PCSK7: variants seen among roughly 807,000 people sequenced by gnomAD.
PCSK7 encodes proprotein convertase subtilisin/kexin type 7, also known as lymphoma proprotein convertase.
PCSK7 carries 38 observed loss-of-function variants against 73.3 expected under a neutral mutation model. That is an observed-to-expected ratio of 0.52 (90% CI 0.40 to 0.68). PCSK7 has a LOEUF of 0.68. PCSK7 is among the 30% of genes least tolerant of loss of function. The pLI is 0.00. For missense variants in PCSK7, 692 were observed against 991.5 expected (o/e 0.70, Z 4.06); for synonymous variants, 296 against 383.8 (o/e 0.77, Z 2.68).
At chr11:117,222,780 G>A (rs2032253333) in intron 9 of PCSK7, 1 of 159,882 alleles carries the variant, frequency 6.3e-6, no homozygotes, top group Non-Finnish European at 1.4e-5. Context: ...CCAAGTAGCT[G>A]GGATTACAGA....
rs777195974 is a variant in PCSK7 at position 117,206,355 on chromosome 11, G to T, written c.2000C>A (p.Thr667Asn). 6.2e-7 allele frequency: 1 copy of T among 1,603,680 alleles called. No homozygotes were observed. The highest frequency in any genetic ancestry group is 2.2e-5 in the East Asian group (1 of 44,680). Residue 667 changes from threonine to asparagine, a missense_variant and splice_region_variant, in exon 17 of 17, where the codon ACC becomes AAC. Around this residue, in one of 6 missense-constraint regions of PCSK7, gnomAD observed 78 missense variants for 102.6 expected, o/e 0.76. Transcript: ENST00000320934. ...GGTGAAACAGCCTACCAGCACCAGG[G>T]TCTGGGGCCGAGGCAAGCACCTACG... ...GYTITPNTLK[T>N]LVLVGCFTVF...
chr11:117,224,693 C>T lies in PCSK7; in HGVS notation c.915+8G>A. On this transcript the variant is annotated splice_region_variant and intron_variant, in intron 7 of 16. Coordinates refer to ENST00000320934, the MANE Select transcript of PCSK7 (RefSeq NM_004716.4). ...CCGTTTCTCAGAGTCTTTGTGCAGG[C>T]CAGTTACCTTTCCAAGCTGATGGGG... The T allele has an allele frequency of 6.2e-7, 1 of 1,609,944 alleles. No homozygotes were observed. Among genetic ancestry groups the T allele is most frequent in the Non-Finnish European group, 8.5e-7 (1 of 1,176,248 alleles).
At chr11:117,225,017 C>A in intron 6 of PCSK7, 3 of 385,594 alleles carry the variant, frequency 7.8e-6, no homozygotes, top group South Asian at 4.1e-5. Flanking sequence ...GGACAGAGGT[C>A]ACTCATCTCC....
At chr11:117,229,989 T>C (rs1034745571) in intron 2 of PCSK7, 133 bp from the exon 3 acceptor site, 2 of 601,566 alleles carry the variant, frequency 3.3e-6, no homozygotes, top group Non-Finnish European at 5.8e-6. Flanking sequence ...TGTGAAACAT[T>C]TGATCTTCTC....
At chr11:117,230,858 C>A (rs522645) in intron 1 of PCSK7, among the ~76,000 whole-genome samples, 35,704 of 151,886 alleles carry the variant, frequency 0.24, 4,360 homozygotes, top group South Asian at 0.42. Flanking sequence ...ACGGGGAAAG[C>A]CAGAGAGTGC....
In PCSK7 at chr11:117,229,624, G is replaced by A. The variant is rs201781434; in HGVS notation, c.221C>T (p.Ala74Val). 51 of 1,613,898 alleles carry A rather than the reference G, an allele frequency of 3.2e-5. No homozygotes were observed. The highest frequency in any genetic ancestry group is 1.8e-4 in the Admixed American group (11 of 60,010). The stretch of plus-strand genomic sequence containing the variant: ...CCCTGCTGCCTGGGCCAAGGCATCC[G>A]CCTGCTGCTCCAGAGTCTCTTCCTC... ...DGEEETLEQQ[A>V]DALAQAAGLV... Residue 74 changes from alanine (A) to valine (V), a missense_variant, in exon 3 of 17, where the codon GCG becomes GTG. Physicochemically the swap from Ala to Val is moderately conservative, Grantham distance 64. This residue lies in a region of PCSK7 where 574 missense variants were observed against 689.8 expected (regional missense o/e 0.83). Transcript: ENST00000320934.
chr11:117,223,750 C>A (rs2032299658), intron 8 of PCSK7: 1 of 380,506 alleles, frequency 2.6e-6, no homozygotes, highest in African/African-American at 2.0e-5. Flanking sequence ...AGGCAAAGGG[C>A]ACTTAATTTA....
chr11:117,223,168 G>A, intron 9 of PCSK7, 40 bp downstream of exon 9: 1 of 1,173,942 alleles, frequency 8.5e-7, no homozygotes, highest in Non-Finnish European at 1.3e-6. Context: ...GAAGTCTTGT[G>A]GGAAAGGGGC....
chr11:117,224,960 C>G (rs1006506713), intron 6 of PCSK7: 1 of 568,442 alleles, frequency 1.8e-6, no homozygotes, highest in East Asian at 2.9e-5. Context: ...TGTGCTAAGG[C>G]TCTTCTTTTC....
chr11:117,230,534 T>TA (rs1345300493), intron 1 of PCSK7, 66 bp from the exon 2 acceptor site: 1 of 152,274 alleles, frequency 6.6e-6, no homozygotes, highest in Non-Finnish European at 1.5e-5. Flanking sequence ...TGAGGTTAGA[T>TA]AAACTCCAGG....
At chr11:117,228,858 G>T (rs2032532284) in intron 3 of PCSK7, among the ~76,000 whole-genome samples, 1 of 152,148 alleles carries the variant, frequency 6.6e-6, no homozygotes, top group Admixed American at 6.5e-5. Context: ...CTGACCTCGT[G>T]ATCTGCCCAT....
rs796295534 is a variant in PCSK7, at chr11:117,230,899, C to T, written c.-132-431G>A. On this transcript the variant is annotated intron_variant, in intron 1 of 16. Coordinates refer to ENST00000320934, the MANE Select transcript of PCSK7 (RefSeq NM_004716.4). ...AAACAGAACAGGCACCAAGGACAAG[C>T]GGGCAACCAGGAGAGAACGAATGAT... Among the ~76,000 whole-genome samples, 18 of 152,112 alleles carry T rather than the reference C, an allele frequency of 1.2e-4. 1 individual carries two copies. Among genetic ancestry groups the T allele is most frequent in the African/African-American group, 3.4e-4 (14 of 41,496 alleles).
chr11:117,229,954 A>G, intron 2 of PCSK7, 98 bp from the exon 3 acceptor site: 1 of 691,456 alleles, frequency 1.4e-6, no homozygotes, highest in Non-Finnish European at 2.4e-6. Context: ...TCCCCCTGGA[A>G]GTCCCTAAGC....
chr11:117,227,855 C>A (rs1047548821), intron 4 of PCSK7, among the ~76,000 whole-genome samples: 8 of 152,150 alleles, frequency 5.3e-5, no homozygotes, highest in Non-Finnish European at 2.9e-5. Flanking sequence ...GCCCATTATG[C>A]GAATGTGCCT....
At chr11:117,209,613 T>C (rs1418811048) in intron 12 of PCSK7, 2 of 154,112 alleles carry the variant, frequency 1.3e-5, no homozygotes, top group African/African-American at 2.4e-5. Context: ...CTGAAGATGA[T>C]GCACAGTTAA....
At chr11:117,207,583 T>TGAA in intron 14 of PCSK7, 1 of 434,744 alleles carries the variant, frequency 2.3e-6, no homozygotes, top group East Asian at 6.8e-5. Context: ...ACTGATATGG[T>TGAA]GACCTTCCAC....
chr11:117,212,513 C>G (rs933155548), intron 12 of PCSK7: 8 of 144,418 alleles, frequency 5.5e-5, no homozygotes, highest in African/African-American at 2.1e-4. Context: ...TCCAGCGATT[C>G]TCTTGCCTCA....
At chr11:117,231,451 A>G (rs1398897692) in intron 1 of PCSK7, among the ~76,000 whole-genome samples, 1 of 152,164 alleles carries the variant, frequency 6.6e-6, no homozygotes, top group Non-Finnish European at 1.5e-5. Flanking sequence ...AAGTAAACAA[A>G]CTAACAAACA....
chr11:117,229,017 A>G (rs980789096), intron 3 of PCSK7, among the ~76,000 whole-genome samples: 3 of 152,230 alleles, frequency 2.0e-5, no homozygotes, highest in Admixed American at 6.5e-5. Flanking sequence ...ACATGTATAC[A>G]TTCACTTACC....
Sources: allele counts gnomAD v4.1 joint callset (sites outside exome capture counted in the v4.1 genomes callset), GRCh38; gene constraint gnomAD v4.1.1; regional missense constraint gnomAD v4.1.1; transcripts MANE v1.5; gene names NCBI Gene and HGNC (gene_info 2026-07-23, HGNC 2026-07-21).